Variants in GALNT17 observed in about 807,000 individuals in gnomAD.
GALNT17 encodes polypeptide N-acetylgalactosaminyltransferase 17, also known as UDP-GalNAc:polypeptide N-acetylgalactosaminyltransferase-like 3.
In GALNT17, 29 loss-of-function variants were observed where a neutral mutation model predicts 63.7. That is an observed-to-expected ratio of 0.46 (90% CI 0.34 to 0.62). GALNT17 has a LOEUF of 0.62. GALNT17 is among the 20% of genes least tolerant of loss of function. GALNT17 has a pLI of 0.01. For synonymous variants in GALNT17, 305 were observed against 318.3 expected (o/e 0.96, Z 0.45); for missense variants, 603 against 799.6 (o/e 0.75, Z 2.97).
At chr7:71,579,330 TGCCTTCTGTA>T (rs1372195849) in intron 6 of GALNT17, among the ~76,000 whole-genome samples, 5 of 152,222 alleles carry the variant, frequency 3.3e-5, no homozygotes, top group Non-Finnish European at 7.3e-5. Context: ...ACTTGGTGAG[TGCCTTCTGTA>T]GCCCAGCAGG....
At chr7:71,643,951 A>G (rs1790638481) in intron 6 of GALNT17, among the ~76,000 whole-genome samples, 2 of 152,308 alleles carry the variant, frequency 1.3e-5, no homozygotes, top group South Asian at 4.1e-4. Context: ...TGACATTTAC[A>G]ATCTCCAGGT....
chr7:71,372,259 G>T (rs1363496806), intron 2 of GALNT17, among the ~76,000 whole-genome samples: 1 of 152,164 alleles, frequency 6.6e-6, no homozygotes, highest in Non-Finnish European at 1.5e-5. Flanking sequence ...CCACCTCCCG[G>T]CCTCAAGCGA....
chr7:71,631,260 A>G (rs1790449393), intron 6 of GALNT17, among the ~76,000 whole-genome samples: 1 of 150,598 alleles, frequency 6.6e-6, no homozygotes, highest in Non-Finnish European at 1.5e-5. Flanking sequence ...TGGTATGATC[A>G]TAGCTCACTG....
At chr7:71,679,772 C>A (rs578183997) in intron 9 of GALNT17, among the ~76,000 whole-genome samples, 4 of 151,976 alleles carry the variant, frequency 2.6e-5, no homozygotes, top group African/African-American at 9.7e-5. Context: ...CAGAATCGTC[C>A]CCAAGGCTGC....
chr7:71,338,195 C>T (rs1278035393), intron 2 of GALNT17, among the ~76,000 whole-genome samples: 7 of 151,714 alleles, frequency 4.6e-5, no homozygotes, highest in Non-Finnish European at 7.4e-5. Context: ...GGCGTGGTGG[C>T]GGGCGCCTGT....
chr7:71,381,918 G>T (rs1396526032), intron 2 of GALNT17, among the ~76,000 whole-genome samples: 1 of 152,198 alleles, frequency 6.6e-6, no homozygotes. Flanking sequence ...AGAGGCAAGT[G>T]GGTGGTTCTG....
intron 1 of GALNT17, among the ~76,000 whole-genome samples, chr7:71,192,241 T>C (rs1028815536): frequency 2.6e-5 from 4 of 152,096 alleles, no homozygotes; most frequent in African/African-American, 4.8e-5. Flanking sequence ...CCCACCCCCA[T>C]TGAGGGTGGG....
chr7:71,611,473 TCTTCTTCCCAATAGCTTATACG>T (rs1329017800), intron 6 of GALNT17, among the ~76,000 whole-genome samples: 1 of 152,220 alleles, frequency 6.6e-6, no homozygotes, highest in Non-Finnish European at 1.5e-5. Flanking sequence ...AGTTGCTTTG[TCTTCTTCCCAATAGCTTATACG>T]CTTCTGTGCC....
intron 3 of GALNT17, among the ~76,000 whole-genome samples, chr7:71,391,927 G>A (rs564718243): frequency 4.5e-4 from 69 of 152,274 alleles, no homozygotes; most frequent in Non-Finnish European, 7.6e-4. Flanking sequence ...GGGAGCAGGT[G>A]AGTGTCACAT....
chr7:71,670,726 C>T (rs1386638318), intron 8 of GALNT17, among the ~76,000 whole-genome samples: 4 of 152,032 alleles, frequency 2.6e-5, no homozygotes, highest in East Asian at 1.9e-4. Flanking sequence ...GAGAGATTAG[C>T]GTTATTTCTG....
intron 5 of GALNT17, among the ~76,000 whole-genome samples, chr7:71,479,487 C>G (rs1301442130): frequency 6.6e-6 from 1 of 152,112 alleles, no homozygotes; most frequent in African/African-American, 2.4e-5. Flanking sequence ...TTAATTGATT[C>G]AGGCAAGATA....
intron 5 of GALNT17, among the ~76,000 whole-genome samples, chr7:71,516,618 G>A (rs1338509076): frequency 6.6e-6 from 1 of 152,178 alleles, no homozygotes; most frequent in Non-Finnish European, 1.5e-5. Flanking sequence ...CTCTGCAGGT[G>A]TATAGGGTTC....
In GALNT17 at chr7:71,358,008, C is replaced by A. The variant is rs180710871; in HGVS notation, c.422+22275C>A. On this transcript the variant is annotated intron_variant, in intron 2 of 10. Coordinates refer to ENST00000333538, the MANE Select transcript of GALNT17 (RefSeq NM_022479.3). ...GGACAAATAAGGGAATAAAAGCTGG[C>A]CACCCCAGCCAGCAGCGGCAACCCG... is the stretch of plus-strand genomic sequence containing the variant. 2.6e-5 allele frequency among the ~76,000 whole-genome samples: 4 copies of A among 152,310 alleles called. No homozygotes were observed. In the East Asian group the frequency reaches 7.7e-4, roughly 29 times the overall value.
chr7:71,281,598 A>C (rs2115756377), intron 1 of GALNT17, among the ~76,000 whole-genome samples: 1 of 152,274 alleles, frequency 6.6e-6, no homozygotes, highest in Middle Eastern at 3.4e-3. Context: ...GAAAGGCATC[A>C]TCCCTTATTA....
intron 1 of GALNT17, among the ~76,000 whole-genome samples, chr7:71,321,912 TTCC>T (rs1791618962): frequency 4.7e-5 from 4 of 85,288 alleles, no homozygotes; most frequent in South Asian, 1.1e-3. Context: ...CCTTCCTTCC[TTCC>T]TTCCTTCCCC....
chr7:71,263,831 G>T (rs943121474), intron 1 of GALNT17, among the ~76,000 whole-genome samples: 2 of 152,130 alleles, frequency 1.3e-5, no homozygotes, highest in South Asian at 2.1e-4. Context: ...GGCTGAGGCA[G>T]GAGAATGGCG....
intron 3 of GALNT17, among the ~76,000 whole-genome samples, chr7:71,402,474 C>A (rs1443771887): frequency 6.6e-6 from 1 of 152,326 alleles, no homozygotes; most frequent in African/African-American, 2.4e-5. Flanking sequence ...GTTCTGGAAG[C>A]TTTTGCATTT....
chr7:71,180,450 G>A (rs1053935204), intron 1 of GALNT17, among the ~76,000 whole-genome samples: 1 of 152,070 alleles, frequency 6.6e-6, no homozygotes, highest in African/African-American at 2.4e-5. Flanking sequence ...GTTTTATTAA[G>A]AAGTCACGTG....
chr7:71,685,359 C>A (rs1353819496), intron 9 of GALNT17: 2 of 152,184 alleles, frequency 1.3e-5, no homozygotes, highest in Admixed American at 1.3e-4. Context: ...GGTCCACTGA[C>A]CCAGTGAACC....
Sources: allele counts gnomAD v4.1 joint callset (sites outside exome capture counted in the v4.1 genomes callset), GRCh38; gene constraint gnomAD v4.1.1; transcripts MANE v1.5; gene names NCBI Gene and HGNC (gene_info 2026-07-23, HGNC 2026-07-21).